SGCZ: variants seen among roughly 807,000 people sequenced by gnomAD.
The protein encoded by SGCZ is zeta-sarcoglycan.
In SGCZ, 40 loss-of-function variants were observed where a neutral mutation model predicts 41.3. The ratio of observed to expected loss-of-function variants is 0.97; its 90% CI spans 0.75 to 1.26. The LOEUF is 1.26. SGCZ is among the 50% of genes most tolerant of loss of function. The probability of loss-of-function intolerance (pLI) is 0.00; values close to 1 mark genes in which losing one functional copy is unlikely to be tolerated. For missense variants in SGCZ, 552 were observed against 369.8 expected (o/e 1.49, Z -4.04); for synonymous variants, 206 against 137.5 (o/e 1.50, Z -3.49).
At chr8:14,752,312 A>G (rs146538443) in intron 1 of SGCZ, among the ~76,000 whole-genome samples, 1 of 152,202 alleles carries the variant, frequency 6.6e-6, no homozygotes, top group African/African-American at 2.4e-5. Flanking sequence ...GCTATTTATT[A>G]TGTTTATAAA....
chr8:14,247,958 T>C (rs946669018), intron 3 of SGCZ, among the ~76,000 whole-genome samples: 2 of 152,114 alleles, frequency 1.3e-5, no homozygotes, highest in African/African-American at 2.4e-5. Flanking sequence ...TATAGAAAAA[T>C]AGACAATCTG....
At chr8:14,558,574 T>TACAG (rs1804103986) in intron 1 of SGCZ, among the ~76,000 whole-genome samples, 1 of 99,748 alleles carries the variant, frequency 1.0e-5, no homozygotes, top group Non-Finnish European at 2.0e-5. Flanking sequence ...GAATGACTCT[T>TACAG]AGAGAGAGAG....
chr8:15,003,539 A>G (rs1490947202), intron 1 of SGCZ, among the ~76,000 whole-genome samples: 3 of 152,232 alleles, frequency 2.0e-5, no homozygotes, highest in East Asian at 1.9e-4. Flanking sequence ...TAGTCAAACC[A>G]TACAATTAAA....
intron 1 of SGCZ, among the ~76,000 whole-genome samples, chr8:14,944,539 A>T (rs1472485536): frequency 6.6e-6 from 1 of 152,232 alleles, no homozygotes; most frequent in East Asian, 1.9e-4. Flanking sequence ...TTGAGAAAGT[A>T]GTTAAAAATG....
intron 1 of SGCZ, among the ~76,000 whole-genome samples, chr8:15,058,625 G>A (rs1280947314): frequency 6.6e-6 from 1 of 152,072 alleles, no homozygotes; most frequent in East Asian, 1.9e-4. Flanking sequence ...TAATCTCTTT[G>A]GCTTTCCCCT....
At chr8:15,151,670 T>A (rs911449130) in intron 1 of SGCZ, among the ~76,000 whole-genome samples, 1 of 152,206 alleles carries the variant, frequency 6.6e-6, no homozygotes, top group Non-Finnish European at 1.5e-5. Flanking sequence ...TACACATACA[T>A]AAAGAGCCAA....
In SGCZ at chr8:15,233,641, G is replaced by A. The variant is rs560588139; in HGVS notation, c.39+3944C>T. ...AGAGAAAAATGAAGCAACAGTGACT[G>A]GACTACATTTAATAAACTCAAATAA... On this transcript the variant is annotated intron_variant, in intron 1 of 7. Transcript: ENST00000382080. Among the ~76,000 whole-genome samples the A allele has an allele frequency of 2.0e-5, 3 of 151,992 alleles. No individual in the cohort carries two copies. In the East Asian group the frequency reaches 5.8e-4, roughly 29 times the overall value.
At chr8:14,529,645 C>T (rs1336695753) in intron 2 of SGCZ, among the ~76,000 whole-genome samples, 1 of 152,052 alleles carries the variant, frequency 6.6e-6, no homozygotes, top group Non-Finnish European at 1.5e-5. Context: ...GAGAAATTCC[C>T]TAGTTTTGCC....
chr8:14,216,152 C>T (rs1305798680), intron 4 of SGCZ, among the ~76,000 whole-genome samples: 1 of 152,212 alleles, frequency 6.6e-6, no homozygotes, highest in East Asian at 1.9e-4. Context: ...GGCCAGATTC[C>T]CAGTCCTAAG....
chr8:14,608,576 A>T (rs1426863377), intron 1 of SGCZ, among the ~76,000 whole-genome samples: 1 of 152,158 alleles, frequency 6.6e-6, no homozygotes, highest in Non-Finnish European at 1.5e-5. Flanking sequence ...ACCGTGGGGA[A>T]GGCAAGAACT....
At chr8:14,645,116 G>T (rs990566811) in intron 1 of SGCZ, among the ~76,000 whole-genome samples, 11 of 151,458 alleles carry the variant, frequency 7.3e-5, no homozygotes, top group Admixed American at 2.0e-4. Context: ...GAAAACCATT[G>T]ATCTATCATT....
chr8:14,767,476 A>G (rs1328056448), intron 1 of SGCZ, among the ~76,000 whole-genome samples: 2 of 152,164 alleles, frequency 1.3e-5, no homozygotes, highest in Admixed American at 6.6e-5. Context: ...TTACTCTAGC[A>G]TTTTGGGGGA....
chr8:14,411,824 T>C (rs915031941), intron 2 of SGCZ, among the ~76,000 whole-genome samples: 7 of 152,234 alleles, frequency 4.6e-5, no homozygotes, highest in African/African-American at 1.4e-4. Context: ...AAATGTGCTC[T>C]TTTTCCAGTA....
chr8:15,120,846 G>C (rs1415125215), intron 1 of SGCZ, among the ~76,000 whole-genome samples: 4 of 152,076 alleles, frequency 2.6e-5, no homozygotes, highest in Non-Finnish European at 5.9e-5. Flanking sequence ...TGAATACCTT[G>C]TAACAGTATT....
chr8:14,296,719 T>G (rs1801024611), intron 3 of SGCZ, among the ~76,000 whole-genome samples: 1 of 151,870 alleles, frequency 6.6e-6, no homozygotes, highest in South Asian at 2.1e-4. Context: ...GCCAAAAACC[T>G]AAAAGAGGAA....
chr8:14,142,745 C>G (rs535709233), intron 5 of SGCZ, among the ~76,000 whole-genome samples: 1 of 152,208 alleles, frequency 6.6e-6, no homozygotes, highest in African/African-American at 2.4e-5. Flanking sequence ...GAGGTGGCTT[C>G]TCATGGTCTA....
chr8:14,433,439 T>C (rs1289168325), intron 2 of SGCZ, among the ~76,000 whole-genome samples: 2 of 152,210 alleles, frequency 1.3e-5, no homozygotes, highest in East Asian at 3.8e-4. Context: ...CTAGGTTATA[T>C]GCAATGCATA....
In SGCZ at chr8:14,796,426, G is replaced by GT. The variant is rs772123804; in HGVS notation, c.40-241501dup. ...GAGCCAGCATACTCATTCTATTTTT[G>GT]TTTTTTTTCTAATATTATATATTTG... On this transcript the variant is annotated intron_variant, in intron 1 of 7. Transcript: ENST00000382080. Among the ~76,000 whole-genome samples, 34 of 132,922 alleles carry GT rather than the reference G, an allele frequency of 2.6e-4. 1 individual carries two copies. Among genetic ancestry groups the GT allele is most frequent in the Admixed American group, 1.7e-3 (24 of 14,108 alleles). The allele number at this position is 132,922 out of a possible 152,430, so 87.2% of individuals were successfully genotyped here. A position where few individuals can be genotyped will look rare whatever the true frequency, so the allele number is the denominator to read the frequency against.
chr8:15,057,549 T>A (rs1183526790), intron 1 of SGCZ, among the ~76,000 whole-genome samples: 1 of 152,170 alleles, frequency 6.6e-6, no homozygotes, highest in African/African-American at 2.4e-5. Flanking sequence ...TATTCATGTA[T>A]TAATTAAACA....
Sources: gnomAD v4.1 joint callset for allele counts (sites outside exome capture counted in the v4.1 genomes callset) on GRCh38, gnomAD v4.1.1 for gene constraint, MANE v1.5 for transcripts, NCBI Gene and HGNC (gene_info 2026-07-23, HGNC 2026-07-21) for gene names.